The following STARD13 variants were observed in gnomAD, a reference collection of about 807,000 sequenced individuals.
STARD13 encodes the protein stAR-related lipid transfer protein 13.
A neutral mutation model predicts 106.4 loss-of-function variants in STARD13; 62 were observed. The observed-to-expected ratio is 0.58, with a 90% CI of 0.48 to 0.72. The LOEUF is 0.72. Among genes scored for constraint, STARD13 ranks in the 30% least tolerant of loss-of-function variants. The pLI is 0.00. For missense variants in STARD13, 1,387 were observed against 1,424.0 expected (o/e 0.97, Z 0.42); for synonymous variants, 565 against 553.0 (o/e 1.02, Z -0.31).
At chr13:33,520,923 T>A in the STARD13 span, among the ~76,000 whole-genome samples, 4 of 152,142 alleles carry the variant, frequency 2.6e-5, no homozygotes, top group Admixed American at 6.6e-5. Context: ...TCTCAACTCT[T>A]ACAAAGCCTC....
At chr13:33,573,804 G>A in the STARD13 span, among the ~76,000 whole-genome samples, 4,161 of 152,152 alleles carry the variant, frequency 0.027, 85 homozygotes, top group Middle Eastern at 0.051. Context: ...TCATAGGACC[G>A]TCTCGCTGGG....
At chr13:33,444,595 GTC>G in the STARD13 span, among the ~76,000 whole-genome samples, 1 of 152,050 alleles carries the variant, frequency 6.6e-6, no homozygotes, top group Non-Finnish European at 1.5e-5. Context: ...AGGAGATCCT[GTC>G]TCTACAAAAA....
At chr13:33,182,286 T>A (rs979800973) in intron 1 of STARD13, among the ~76,000 whole-genome samples, 29 of 152,332 alleles carry the variant, frequency 1.9e-4, no homozygotes, top group African/African-American at 6.7e-4. Context: ...CTCAGCTGTA[T>A]GAGATGCATC....
the STARD13 span, among the ~76,000 whole-genome samples, chr13:33,643,937 G>A: frequency 6.6e-6 from 1 of 152,210 alleles, no homozygotes; most frequent in African/African-American, 2.4e-5. Context: ...CTTAGCAAGG[G>A]CTGCAGGTAG....
the STARD13 span, among the ~76,000 whole-genome samples, chr13:33,537,885 C>T: frequency 6.6e-6 from 1 of 152,096 alleles, no homozygotes; most frequent in Non-Finnish European, 1.5e-5. Flanking sequence ...GGTGCTTCCC[C>T]ATACAGAAGA....
At chr13:33,244,015 CTTT>C (rs5802676) in intron 1 of STARD13, among the ~76,000 whole-genome samples, 11 of 141,036 alleles carry the variant, frequency 7.8e-5, no homozygotes, top group South Asian at 2.3e-4. Context: ...GATTCCGGCT[CTTT>C]TTTTTTTTTT....
At chr13:33,124,287 C>T (rs1268548569) in intron 7 of STARD13, among the ~76,000 whole-genome samples, 1 of 152,184 alleles carries the variant, frequency 6.6e-6, no homozygotes, top group Non-Finnish European at 1.5e-5. Context: ...GGCTGGAAGC[C>T]CTGCCAGGAC....
chr13:33,466,131 G>A, the STARD13 span, among the ~76,000 whole-genome samples: 1 of 152,078 alleles, frequency 6.6e-6, no homozygotes, highest in African/African-American at 2.4e-5. Context: ...CATTGTTTAG[G>A]ACAGAGCAGT....
the STARD13 span, among the ~76,000 whole-genome samples, chr13:33,397,315 C>G: frequency 6.6e-6 from 1 of 152,174 alleles, no homozygotes; most frequent in Non-Finnish European, 1.5e-5. Flanking sequence ...GGCAGGCACA[C>G]TTACTGCCCA....
chr13:33,387,106 A>C, the STARD13 span, among the ~76,000 whole-genome samples: 3 of 152,176 alleles, frequency 2.0e-5, no homozygotes, highest in African/African-American at 7.2e-5. Context: ...CCTGGGCTCA[A>C]GTGATACTCC....
the STARD13 span, among the ~76,000 whole-genome samples, chr13:33,485,462 C>A: frequency 8.2e-4 from 124 of 152,066 alleles, no homozygotes; most frequent in African/African-American, 3.0e-3. Context: ...TTGGCATAAA[C>A]TCATTAGAAA....
chr13:33,191,775 T>C (rs1467089397), intron 1 of STARD13, among the ~76,000 whole-genome samples: 1 of 152,250 alleles, frequency 6.6e-6, no homozygotes. Context: ...CAACTGATTG[T>C]TCATTTTCAA....
At chr13:33,273,342 G>A (rs781000133) in intron 1 of STARD13, among the ~76,000 whole-genome samples, 6 of 152,176 alleles carry the variant, frequency 3.9e-5, no homozygotes. Context: ...TATGCAGACA[G>A]CCAATATTTT....
At chr13:33,117,167 G>A (rs1875504743) in intron 8 of STARD13, among the ~76,000 whole-genome samples, 1 of 152,130 alleles carries the variant, frequency 6.6e-6, no homozygotes, top group African/African-American at 2.4e-5. Flanking sequence ...GGAGTGCAGT[G>A]GTGCAATCTC....
intron 1 of STARD13, among the ~76,000 whole-genome samples, chr13:33,324,233 GTTAC>G (rs1893660336): frequency 6.6e-6 from 1 of 152,190 alleles, no homozygotes; most frequent in Admixed American, 6.5e-5. Context: ...AGTTAAGTGT[GTTAC>G]TTGAGAATAT....
At chr13:33,260,046 T>A (rs952102076) in intron 1 of STARD13, among the ~76,000 whole-genome samples, 8 of 151,266 alleles carry the variant, frequency 5.3e-5, no homozygotes, top group Admixed American at 3.9e-4. Flanking sequence ...TCTCCTATAA[T>A]TACCTCATAA....
intron 1 of STARD13, among the ~76,000 whole-genome samples, chr13:33,338,580 T>A (rs1036190612): frequency 1.7e-4 from 26 of 152,212 alleles, no homozygotes; most frequent in Non-Finnish European, 2.5e-4. Context: ...TTTGATTTTT[T>A]AAAAAATCCC....
At chr13:33,228,170 C>T (rs1485757879) in intron 1 of STARD13, among the ~76,000 whole-genome samples, 2 of 152,148 alleles carry the variant, frequency 1.3e-5, no homozygotes, top group Non-Finnish European at 2.9e-5. Context: ...ATGAAGAGTA[C>T]ATGGAGTGCT....
the STARD13 span, among the ~76,000 whole-genome samples, chr13:33,402,052 G>A: frequency 6.6e-6 from 1 of 152,176 alleles, no homozygotes; most frequent in African/African-American, 2.4e-5. Context: ...TTTTGGAAAT[G>A]CAATCAAGGC....
Sources: allele counts gnomAD v4.1 joint callset (sites outside exome capture counted in the v4.1 genomes callset), GRCh38; gene constraint gnomAD v4.1.1; transcripts MANE v1.5; gene names NCBI Gene and HGNC (gene_info 2026-07-23, HGNC 2026-07-21).